Variants in CNTNAP4 observed in about 807,000 individuals in gnomAD.
CNTNAP4 encodes the protein contactin associated protein family member 4, also known as contactin-associated protein-like 4.
In CNTNAP4, 98 loss-of-function variants were observed where a neutral mutation model predicts 148.4. The observed-to-expected ratio is 0.66, with a 90% CI of 0.56 to 0.78. The LOEUF is 0.78. Ranked by LOEUF, CNTNAP4 falls within the 30% of genes least tolerant of loss-of-function variation. CNTNAP4 has a pLI of 0.00. For missense variants in CNTNAP4, 1,935 were observed against 1,565.6 expected (o/e 1.24, Z -3.98); for synonymous variants, 730 against 565.1 (o/e 1.29, Z -4.14).
intron 17 of CNTNAP4, among the ~76,000 whole-genome samples, chr16:76,523,702 A>G (rs750963625): frequency 9.9e-5 from 15 of 152,188 alleles, no homozygotes; most frequent in Non-Finnish European, 1.9e-4. Context: ...AGGTAGGAAG[A>G]TTGCTTGGGG....
intron 3 of CNTNAP4, among the ~76,000 whole-genome samples, chr16:76,425,062 T>G (rs1360754548): frequency 6.6e-6 from 1 of 152,098 alleles, no homozygotes; most frequent in African/African-American, 2.4e-5. Context: ...AGTAAAAAAT[T>G]TTGACCAGTG....
intron 23 of CNTNAP4, among the ~76,000 whole-genome samples, chr16:76,554,394 A>T (rs2085102697): frequency 6.6e-6 from 1 of 152,218 alleles, no homozygotes; most frequent in Non-Finnish European, 1.5e-5. Context: ...CTATTTAAAG[A>T]TGCTTCTATC....
chr16:76,279,056 C>T (rs1363856827), intron 1 of CNTNAP4, among the ~76,000 whole-genome samples: 4 of 152,124 alleles, frequency 2.6e-5, no homozygotes, highest in Non-Finnish European at 4.4e-5. Context: ...CTAGTCAAAA[C>T]CTTGGAATCT....
At chr16:76,482,563 G>A (rs1020023138) in intron 12 of CNTNAP4, among the ~76,000 whole-genome samples, 5 of 152,002 alleles carry the variant, frequency 3.3e-5, no homozygotes, top group African/African-American at 1.2e-4. Context: ...GCAGGTGGTG[G>A]CAAACTCTGT....
rs139631747 is a variant in CNTNAP4, at chr16:76,553,233, C to T, written c.3443-50C>T. 5.5e-4 allele frequency: 635 copies of T among 1,153,804 alleles called. 6 individuals carry two copies. The African/African-American group carries it at 8.7e-3, about 16-fold the overall frequency. The allele number at this position is 1,153,804 out of a possible 1,614,324, so 71.5% of individuals were successfully genotyped here. On this transcript the variant is annotated intron_variant, in intron 21 of 23. Transcript: ENST00000611870. Reference sequence around the variant, plus strand: ...GAATCCTCAATTTCTGCATCATCGCCTATTTTCACTTTTCACTACTAATAT... The same window carrying T: ...GAATCCTCAATTTCTGCATCATCGCTTATTTTCACTTTTCACTACTAATAT...
intron 1 of CNTNAP4, among the ~76,000 whole-genome samples, chr16:76,314,084 A>C (rs2144065832): frequency 6.6e-6 from 1 of 152,366 alleles, no homozygotes; most frequent in African/African-American, 2.4e-5. Context: ...TATTAGAAGC[A>C]ATATATGTGA....
intron 3 of CNTNAP4, among the ~76,000 whole-genome samples, chr16:76,385,065 A>G (rs534557857): frequency 2.6e-4 from 39 of 152,348 alleles, no homozygotes; most frequent in South Asian, 1.4e-3. Context: ...GACAGGTGCA[A>G]CTTATAAAGT....
chr16:76,437,250 G>A (rs1453329805), intron 4 of CNTNAP4, among the ~76,000 whole-genome samples: 4 of 151,856 alleles, frequency 2.6e-5, no homozygotes, highest in Non-Finnish European at 5.9e-5. Flanking sequence ...ATTAAGGGTG[G>A]GTCTGCCTTC....
At chr16:76,377,954 A>T (rs1171002328) in intron 3 of CNTNAP4, among the ~76,000 whole-genome samples, 3 of 152,134 alleles carry the variant, frequency 2.0e-5, no homozygotes, top group Admixed American at 2.0e-4. Context: ...CCCACATTTC[A>T]TTTTTCTAGA....
intron 4 of CNTNAP4, among the ~76,000 whole-genome samples, chr16:76,445,839 T>A (rs191690363): frequency 6.6e-6 from 1 of 152,322 alleles, no homozygotes; most frequent in East Asian, 1.9e-4. Flanking sequence ...AACTCGGAGA[T>A]AACTGCATTG....
At chr16:76,299,743 G>T (rs1048847218) in intron 1 of CNTNAP4, among the ~76,000 whole-genome samples, 1 of 152,192 alleles carries the variant, frequency 6.6e-6, no homozygotes, top group Non-Finnish European at 1.5e-5. Context: ...TTGGAACCAG[G>T]CCAAATGTCC....
At chr16:76,484,184 G>C (rs1457181080) in intron 12 of CNTNAP4, among the ~76,000 whole-genome samples, 1 of 142,790 alleles carries the variant, frequency 7.0e-6, no homozygotes. Flanking sequence ...TGTGTGTGGG[G>C]AAAGAGAGAG....
intron 17 of CNTNAP4, among the ~76,000 whole-genome samples, chr16:76,532,316 C>G (rs1009070650): frequency 4.6e-5 from 7 of 152,190 alleles, no homozygotes; most frequent in African/African-American, 1.7e-4. Context: ...GCCTCTGCCT[C>G]TAACGAAATG....
chr16:76,291,138 G>C (rs1480504324), intron 1 of CNTNAP4, among the ~76,000 whole-genome samples: 1 of 152,126 alleles, frequency 6.6e-6, no homozygotes, highest in Non-Finnish European at 1.5e-5. Flanking sequence ...TTGTGGAGTG[G>C]GGGGTATAAT....
At chr16:76,487,974 C>T (rs571682096) in intron 12 of CNTNAP4, among the ~76,000 whole-genome samples, 3 of 152,102 alleles carry the variant, frequency 2.0e-5, no homozygotes, top group Non-Finnish European at 4.4e-5. Flanking sequence ...GTATATTGTC[C>T]GCCTTGCTTG....
chr16:76,462,134 A>G, intron 9 of CNTNAP4, 29 bp downstream of exon 9: 1 of 1,587,638 alleles, frequency 6.3e-7, no homozygotes, highest in South Asian at 1.1e-5. Context: ...CTCTATGAGC[A>G]ACTGAACCAT....
chr16:76,367,827 CTTACA>C (rs1305698299), intron 3 of CNTNAP4, among the ~76,000 whole-genome samples: 2 of 152,156 alleles, frequency 1.3e-5, no homozygotes, highest in Non-Finnish European at 2.9e-5. Flanking sequence ...TCCTTCAGCT[CTTACA>C]TTACATTAGT....
chr16:76,353,722 TCCCCATGTGTGGTCCTGCCTG>T (rs2012177406), intron 2 of CNTNAP4, among the ~76,000 whole-genome samples: 1 of 152,098 alleles, frequency 6.6e-6, no homozygotes, highest in Non-Finnish European at 1.5e-5. Flanking sequence ...CTCTGGTGCA[TCCCCATGTGTGGTCCTGCCTG>T]GCGTCTTCTC....
intron 17 of CNTNAP4, among the ~76,000 whole-genome samples, chr16:76,530,166 C>A (rs185728540): frequency 2.2e-3 from 333 of 151,896 alleles, no homozygotes; most frequent in Non-Finnish European, 3.5e-3. Flanking sequence ...TTAATAGTGT[C>A]TTTGAATGGA....
Sources: allele counts gnomAD v4.1 joint callset (sites outside exome capture counted in the v4.1 genomes callset), GRCh38; gene constraint gnomAD v4.1.1; transcripts MANE v1.5; gene names NCBI Gene and HGNC (gene_info 2026-07-23, HGNC 2026-07-21).